Variants in CSMD1 observed in about 807,000 individuals in gnomAD.
CSMD1 encodes CUB and sushi domain-containing protein 1.
A neutral mutation model predicts 417.5 loss-of-function variants in CSMD1; 213 were observed. The observed-to-expected ratio is 0.51, with a 90% confidence interval of 0.46 to 0.57. The LOEUF is 0.57. Among genes scored for constraint, CSMD1 ranks in the 20% least tolerant of loss-of-function variants. CSMD1 has a pLI of 0.00. For missense variants in CSMD1, 6,923 were observed against 4,529.7 expected (o/e 1.53, Z -15.17); for synonymous variants, 2,862 against 1,736.8 (o/e 1.65, Z -16.11).
chr8:3,793,874 G>A (rs1799889437), intron 5 of CSMD1, among the ~76,000 whole-genome samples: 1 of 152,102 alleles, frequency 6.6e-6, no homozygotes, highest in Non-Finnish European at 1.5e-5. Context: ...TGTCGCTGAT[G>A]GACCATTTGT....
chr8:4,887,006 C>T (rs1488342544), intron 1 of CSMD1, among the ~76,000 whole-genome samples: 1 of 151,946 alleles, frequency 6.6e-6, no homozygotes, highest in Non-Finnish European at 1.5e-5. Context: ...ATATTTCCTT[C>T]CTCTTGCTTG....
chr8:4,936,653 GT>G (rs1311239562), intron 1 of CSMD1, among the ~76,000 whole-genome samples: 2 of 152,138 alleles, frequency 1.3e-5, no homozygotes, highest in Admixed American at 6.5e-5. Flanking sequence ...TCAAGAGCTA[GT>G]TATGGACATT....
At chr8:4,613,537 C>G (rs76547405) in intron 2 of CSMD1, among the ~76,000 whole-genome samples, 5,580 of 152,248 alleles carry the variant, frequency 0.037, 267 homozygotes, top group African/African-American at 0.11. Flanking sequence ...CAACTGTAAG[C>G]CCAGCACTTT....
At chr8:4,038,254 A>T (rs185073625) in intron 3 of CSMD1, among the ~76,000 whole-genome samples, 1 of 152,170 alleles carries the variant, frequency 6.6e-6, no homozygotes, top group African/African-American at 2.4e-5. Context: ...GAATAAATAG[A>T]AATAATTAAG....
At chr8:4,470,003 G>C (rs968585459) in intron 2 of CSMD1, among the ~76,000 whole-genome samples, 4 of 151,918 alleles carry the variant, frequency 2.6e-5, no homozygotes, top group African/African-American at 4.8e-5. Flanking sequence ...GAGTAGCTGG[G>C]ATTACAGGCG....
intron 1 of CSMD1, among the ~76,000 whole-genome samples, chr8:4,801,013 C>T (rs1798255430): frequency 6.6e-6 from 1 of 152,054 alleles, no homozygotes; most frequent in African/African-American, 2.4e-5. Context: ...TGCCTGATGT[C>T]TTCAATATCT....
intron 2 of CSMD1, among the ~76,000 whole-genome samples, chr8:4,504,062 A>T (rs1382573027): frequency 1.3e-5 from 2 of 152,052 alleles, no homozygotes; most frequent in African/African-American, 2.4e-5. Context: ...AAAACAGTGG[A>T]GGTACAGAAA....
intron 50 of CSMD1, among the ~76,000 whole-genome samples, chr8:3,048,431 C>T (rs1432958559): frequency 6.6e-6 from 1 of 152,100 alleles, no homozygotes; most frequent in Non-Finnish European, 1.5e-5. Flanking sequence ...AATAAACCCA[C>T]ATAAATCTAG....
chr8:3,371,951 G>C (rs1413219546), intron 18 of CSMD1, among the ~76,000 whole-genome samples: 1 of 152,176 alleles, frequency 6.6e-6, no homozygotes, highest in Non-Finnish European at 1.5e-5. Context: ...TATTGAGCAA[G>C]CTCTGCCCCC....
intron 4 of CSMD1, among the ~76,000 whole-genome samples, chr8:4,025,283 T>C (rs997030812): frequency 3.3e-5 from 5 of 152,188 alleles, no homozygotes; most frequent in African/African-American, 9.6e-5. Flanking sequence ...TGTATGCCCC[T>C]ATCCAAAATC....
chr8:4,704,950 T>G (rs1429321592), intron 1 of CSMD1, among the ~76,000 whole-genome samples: 1 of 152,190 alleles, frequency 6.6e-6, no homozygotes, highest in Non-Finnish European at 1.5e-5. Context: ...ATGGTTTGGC[T>G]CTGTGTCCAA....
At chr8:4,853,052 C>G (rs984500113) in intron 1 of CSMD1, among the ~76,000 whole-genome samples, 1 of 152,162 alleles carries the variant, frequency 6.6e-6, no homozygotes, top group Non-Finnish European at 1.5e-5. Flanking sequence ...AAAAGGGAAG[C>G]AGAGCATAAA....
intron 5 of CSMD1, among the ~76,000 whole-genome samples, chr8:3,842,145 AAAC>A (rs1255067019): frequency 2.0e-5 from 3 of 152,188 alleles, no homozygotes; most frequent in African/African-American, 7.2e-5. Flanking sequence ...TCTCCTTGTC[AAAC>A]AACCTCAGGT....
At chr8:4,851,416 C>A (rs1284342843) in intron 1 of CSMD1, among the ~76,000 whole-genome samples, 1 of 151,940 alleles carries the variant, frequency 6.6e-6, no homozygotes, top group Non-Finnish European at 1.5e-5. Flanking sequence ...TTCCTGGCTG[C>A]ATCTTCTTCG....
chr8:4,137,352 T>C (rs984698387), intron 3 of CSMD1, among the ~76,000 whole-genome samples: 5 of 134,430 alleles, frequency 3.7e-5, no homozygotes, highest in Non-Finnish European at 5.2e-5. Flanking sequence ...ACATGTTGAA[T>C]AGAGAATGCA....
At chr8:4,117,646 C>G (rs1037793882) in intron 3 of CSMD1, among the ~76,000 whole-genome samples, 1 of 152,120 alleles carries the variant, frequency 6.6e-6, no homozygotes, top group African/African-American at 2.4e-5. Context: ...CTGAAGCGCC[C>G]GCACTTCTGG....
At chr8:3,336,983 A>G (rs1335464271) in intron 23 of CSMD1, among the ~76,000 whole-genome samples, 9 of 152,310 alleles carry the variant, frequency 5.9e-5, no homozygotes, top group Admixed American at 3.3e-4. Context: ...CAGTTGCTAT[A>G]TAAATTAGAC....
chr8:3,595,304 C>A (rs189887227), intron 8 of CSMD1, among the ~76,000 whole-genome samples: 1 of 152,210 alleles, frequency 6.6e-6, no homozygotes, highest in Non-Finnish European at 1.5e-5. Context: ...AAAATGCCAT[C>A]ATCGGAGAGA....
intron 3 of CSMD1, among the ~76,000 whole-genome samples, chr8:4,199,397 G>C (rs952579057): frequency 6.6e-6 from 1 of 152,186 alleles, no homozygotes; most frequent in East Asian, 1.9e-4. Context: ...GGAGTGAAAA[G>C]AATGGATTTG....
Sources: allele counts gnomAD v4.1 joint callset (sites outside exome capture counted in the v4.1 genomes callset), GRCh38; gene constraint gnomAD v4.1.1; transcripts MANE v1.5; gene names NCBI Gene and HGNC (gene_info 2026-07-23, HGNC 2026-07-21).